The following SH3BP5 variants were observed in gnomAD, a reference collection of about 807,000 sequenced individuals.
The protein encoded by SH3BP5 is SH3 domain binding protein 5.
Under a neutral mutation model 43.3 loss-of-function variants are expected in SH3BP5, and 22 were observed. The ratio of observed to expected loss-of-function variants is 0.51; its 90% CI spans 0.36 to 0.73. The LOEUF is 0.73. Among genes scored for constraint, SH3BP5 ranks in the 30% least tolerant of loss-of-function variants. The pLI, the probability that SH3BP5 is intolerant of heterozygous loss-of-function variation, is 0.00. For synonymous variants in SH3BP5, 255 were observed against 225.8 expected (o/e 1.13, Z -1.16); for missense variants, 529 against 586.9 (o/e 0.90, Z 1.02).
chr3:15,335,631 T>C (rs1698692797), upstream of SH3BP5, among the ~76,000 whole-genome samples: 4 of 152,162 alleles, frequency 2.6e-5, no homozygotes, highest in Admixed American at 6.6e-5. Flanking sequence ...AGGTTGTATG[T>C]AGGTTATATG....
chr3:15,332,333 C>A lies in SH3BP5; in HGVS notation c.76G>T (p.Glu26Ter). The A allele has an allele frequency of 6.5e-7, 1 of 1,544,862 alleles. No individual in the cohort carries two copies. The highest frequency in any genetic ancestry group is 8.7e-7 in the Non-Finnish European group (1 of 1,148,810). The part of the protein sequence containing the change: ...ILPPARDEEE[E>*]EEEGMEQGLE... Reference sequence around the variant, plus strand: ...CCCTGCTCCATCCCCTCTTCCTCCTCCTCCTCCTCGTCCCGGGCAGGCGGC... The same window carrying A: ...CCCTGCTCCATCCCCTCTTCCTCCTACTCCTCCTCGTCCCGGGCAGGCGGC... The change falls in exon 1 of 9, where the codon GAG becomes TAG. Residue 26 changes from glutamate (E) to a stop codon, truncating the protein, a stop_gained. Transcript: ENST00000383791. LOFTEE classifies it high-confidence loss of function.
In SH3BP5 at chr3:15,254,865, G is replaced by A. The variant is rs529430868; in HGVS notation, c.*1221C>T. 5 of 152,214 alleles carry A rather than the reference G, an allele frequency of 3.3e-5. No homozygotes were observed. Among genetic ancestry groups the A allele is most frequent in the South Asian group, 4.2e-4 (2 of 4,818 alleles). 9.4% of individuals were successfully genotyped at this position (152,214 alleles called of 1,614,324 possible). On this transcript the variant is annotated 3_prime_UTR_variant, in exon 9 of 9. Coordinates refer to ENST00000383791, the MANE Select transcript of SH3BP5 (RefSeq NM_004844.5). ...AGAAAGGAGAAACTTTTCTCAAGCC[G>A]TTTTTATTACACTTAGTGTATTAAG... is the stretch of plus-strand genomic sequence containing the variant.
chr3:15,255,207 G>A lies in SH3BP5; in HGVS notation c.*879C>T, dbSNP rs1016763033. 1 of 152,622 alleles carries A rather than the reference G, an allele frequency of 6.6e-6. No individual in the cohort carries two copies. Among genetic ancestry groups the A allele is most frequent in the Non-Finnish European group, 1.5e-5 (1 of 68,018 alleles). The allele number at this position is 152,622 out of a possible 1,614,324, so 9.5% of individuals were successfully genotyped here. ...GAACTGTTTCCTCTAAGGAATACTA[G>A]TGCAGCATAACCCTTAAATAATTTC... On this transcript the variant is annotated 3_prime_UTR_variant, in exon 9 of 9. Coordinates refer to ENST00000383791, the MANE Select transcript of SH3BP5 (RefSeq NM_004844.5).
intron 2 of SH3BP5, among the ~76,000 whole-genome samples, chr3:15,324,475 T>C (rs922629735): frequency 2.0e-5 from 3 of 152,192 alleles, no homozygotes; most frequent in African/African-American, 7.2e-5. Flanking sequence ...TTCAACCAGA[T>C]CTCACCTGTG....
At chr3:15,302,545 G>A (rs1697781244) in intron 3 of SH3BP5, among the ~76,000 whole-genome samples, 1 of 152,152 alleles carries the variant, frequency 6.6e-6, no homozygotes, top group Non-Finnish European at 1.5e-5. Context: ...AAACACACAG[G>A]TACGATCTTG....
intron 7 of SH3BP5, 167 bp downstream of exon 7, chr3:15,258,664 T>A (rs1360789383): frequency 3.3e-6 from 2 of 610,822 alleles, no homozygotes; most frequent in Non-Finnish European, 5.8e-6. Flanking sequence ...CTTAGTACCT[T>A]CTTAATGAAC....
intron 7 of SH3BP5, chr3:15,257,560 G>GAA (rs1696262123): frequency 6.4e-6 from 1 of 157,352 alleles, no homozygotes; most frequent in South Asian, 1.9e-4. Context: ...GCTGCTAGAA[G>GAA]AAACAGGCCA....
chr3:15,257,178 C>A, intron 7 of SH3BP5, 65 bp from the exon 8 acceptor site: 1 of 1,539,254 alleles, frequency 6.5e-7, no homozygotes, highest in Non-Finnish European at 8.9e-7. Context: ...CAAGTGCTTG[C>A]TGCTGGCAGG....
chr3:15,276,477 C>G (rs1696972080), intron 3 of SH3BP5, among the ~76,000 whole-genome samples: 1 of 152,198 alleles, frequency 6.6e-6, no homozygotes, highest in Admixed American at 6.5e-5. Flanking sequence ...TTAACACAGT[C>G]ACCAGACAAT....
chr3:15,321,828 A>G (rs999266229), intron 2 of SH3BP5, among the ~76,000 whole-genome samples: 1 of 149,122 alleles, frequency 6.7e-6, no homozygotes, highest in Non-Finnish European at 1.5e-5. Context: ...AAAAAAAAAA[A>G]TCTAAAGTCT....
At chr3:15,315,826 A>C (rs1698171191) in intron 2 of SH3BP5, among the ~76,000 whole-genome samples, 1 of 152,164 alleles carries the variant, frequency 6.6e-6, no homozygotes, top group African/African-American at 2.4e-5. Context: ...TTAACTTTTT[A>C]GTTTAAAATA....
At chr3:15,262,398 ATG>A in intron 4 of SH3BP5, 109 bp from the exon 5 acceptor site, 1 of 1,358,078 alleles carries the variant, frequency 7.4e-7, no homozygotes, top group Middle Eastern at 2.3e-4. Flanking sequence ...ATGGTGACAC[ATG>A]TGTAATCCCA....
chr3:15,262,120 C>T (rs1360265214), intron 5 of SH3BP5, 39 bp downstream of exon 5: 2 of 1,611,026 alleles, frequency 1.2e-6, no homozygotes, highest in East Asian at 4.5e-5. Context: ...CAGACTAGGA[C>T]AGCCGCACGG....
intron 7 of SH3BP5, chr3:15,258,608 C>G: frequency 1.8e-6 from 1 of 567,576 alleles, no homozygotes; most frequent in South Asian, 2.3e-5. Context: ...GAAGGTGTAA[C>G]ATTTTCCCAA....
At chr3:15,277,286 T>C (rs978161852) in intron 3 of SH3BP5, among the ~76,000 whole-genome samples, 2 of 152,136 alleles carry the variant, frequency 1.3e-5, no homozygotes, top group Non-Finnish European at 2.9e-5. Flanking sequence ...TCTAAACTTC[T>C]ATTAAACACC....
chr3:15,334,019 C>G (rs1698671064), upstream of SH3BP5, among the ~76,000 whole-genome samples: 1 of 152,200 alleles, frequency 6.6e-6, no homozygotes, highest in African/African-American at 2.4e-5. Context: ...CATCCTAGCT[C>G]TGAATGAACT....
chr3:15,256,419 A>G, intron 8 of SH3BP5, 116 bp from the exon 9 acceptor site: 1 of 1,126,940 alleles, frequency 8.9e-7, no homozygotes, highest in Non-Finnish European at 1.3e-6. Context: ...TTGAGCTCAA[A>G]CCAGTCAGCT....
At chr3:15,282,197 G>T (rs921220982) in intron 3 of SH3BP5, among the ~76,000 whole-genome samples, 31 of 152,242 alleles carry the variant, frequency 2.0e-4, no homozygotes, top group African/African-American at 6.3e-4. Context: ...TTTTCAGATT[G>T]GAATGCCAAG....
intron 2 of SH3BP5, among the ~76,000 whole-genome samples, chr3:15,315,570 C>T (rs771289207): frequency 6.6e-6 from 1 of 152,106 alleles, no homozygotes; most frequent in Non-Finnish European, 1.5e-5. Flanking sequence ...TCAAGTTTCC[C>T]TCCTCTGAGG....
Sources: allele counts gnomAD v4.1 joint callset (sites outside exome capture counted in the v4.1 genomes callset), GRCh38; gene constraint gnomAD v4.1.1; transcripts MANE v1.5; gene names NCBI Gene and HGNC (gene_info 2026-07-23, HGNC 2026-07-21).